Variants in ZFPM2 observed in about 807,000 individuals in gnomAD.
ZFPM2 encodes the protein zinc finger protein, FOG family member 2, also known as zinc finger protein ZFPM2.
ZFPM2 carries 20 observed loss-of-function variants against 98.6 expected under a neutral mutation model. The ratio of observed to expected loss-of-function variants is 0.20; its 90% CI spans 0.14 to 0.29. The LOEUF (loss-of-function observed/expected upper bound fraction) is 0.29. ZFPM2 is among the 10% of genes least tolerant of loss of function. The probability of loss-of-function intolerance (pLI) is 1.00; values close to 1 mark genes in which losing one functional copy is unlikely to be tolerated. For missense variants in ZFPM2, 1,310 were observed against 1,388.6 expected (o/e 0.94, Z 0.90); for synonymous variants, 518 against 502.7 (o/e 1.03, Z -0.41).
chr8:105,400,056 C>G (rs1347889468), intron 1 of ZFPM2, among the ~76,000 whole-genome samples: 5 of 152,160 alleles, frequency 3.3e-5, no homozygotes, highest in African/African-American at 1.2e-4. Context: ...GTGTGAGCCA[C>G]TGCCCCTGGC....
rs1200422281 is a variant in ZFPM2, at chr8:105,803,179, C to T, written c.3097C>T (p.Pro1033Ser). Residue 1033 changes from proline to serine, a missense_variant, in exon 8 of 8, where the codon CCA (proline) becomes TCA (serine). Physicochemically the swap from Pro to Ser is moderately conservative, Grantham distance 74. Transcript: ENST00000407775. ...GCAALKKDSLPLLPKNRGMVI... is the reference protein window; with the variant it reads ...GCAALKKDSLSLLPKNRGMVI... ...TGCTGCGCTGAAGAAAGATTCTCTG[C>T]CATTGTTGCCCAAAAATCGAGGAAT... The T allele has an allele frequency of 6.2e-7, 1 of 1,613,790 alleles. No homozygotes were observed. The highest frequency in any genetic ancestry group is 8.5e-7 in the Non-Finnish European group (1 of 1,179,798).
intron 5 of ZFPM2, among the ~76,000 whole-genome samples, chr8:105,727,488 A>G (rs1222121846): frequency 6.6e-6 from 1 of 151,822 alleles, no homozygotes; most frequent in Non-Finnish European, 1.5e-5. Context: ...TTTAAGTTAC[A>G]AAAATGAAAT....
chr8:105,440,393 T>TA (rs1217502134), intron 2 of ZFPM2, among the ~76,000 whole-genome samples: 9 of 152,134 alleles, frequency 5.9e-5, no homozygotes, highest in Non-Finnish European at 1.3e-4. Context: ...AATCAGTTAT[T>TA]AAAAAGTGAG....
At chr8:105,518,001 A>G (rs1813973520) in intron 3 of ZFPM2, among the ~76,000 whole-genome samples, 1 of 152,112 alleles carries the variant, frequency 6.6e-6, no homozygotes, top group East Asian at 1.9e-4. Flanking sequence ...TGTTTACTCT[A>G]TTACCATAGC....
intron 5 of ZFPM2, among the ~76,000 whole-genome samples, chr8:105,750,712 C>T (rs1242734934): frequency 6.6e-6 from 1 of 151,948 alleles, no homozygotes; most frequent in East Asian, 1.9e-4. Context: ...CAGTAATACT[C>T]ATAGTTTTCC....
At chr8:105,501,866 T>G (rs1330331624) in intron 3 of ZFPM2, among the ~76,000 whole-genome samples, 1 of 152,196 alleles carries the variant, frequency 6.6e-6, no homozygotes, top group Non-Finnish European at 1.5e-5. Context: ...ATCTCCTATA[T>G]CTCTTTGAAA....
chr8:105,368,215 TGG>T (rs1810546736), intron 1 of ZFPM2, among the ~76,000 whole-genome samples: 1 of 150,084 alleles, frequency 6.7e-6, no homozygotes. Context: ...TGCCCAGCTT[TGG>T]TATCAGAATG....
chr8:105,788,609 T>G (rs376697665), intron 5 of ZFPM2, 109 bp from the exon 6 acceptor site: 1 of 1,095,602 alleles, frequency 9.1e-7, no homozygotes, highest in Middle Eastern at 2.6e-4. Flanking sequence ...TCCACTCCAG[T>G]AGAAACCAGT....
At chr8:105,418,657 A>G (rs181149151) in intron 1 of ZFPM2, 36 of 512,892 alleles carry the variant, frequency 7.0e-5, no homozygotes, top group Middle Eastern at 6.5e-4. Flanking sequence ...TTTTCTCAGA[A>G]TCCACTCTTA....
chr8:105,336,294 G>T (rs1358624650), intron 1 of ZFPM2, among the ~76,000 whole-genome samples: 1 of 151,682 alleles, frequency 6.6e-6, no homozygotes, highest in Admixed American at 6.6e-5. Context: ...AGGATTCAAC[G>T]AGTTTACACA....
At chr8:105,446,048 G>A (rs374359824) in intron 3 of ZFPM2, among the ~76,000 whole-genome samples, 1 of 151,890 alleles carries the variant, frequency 6.6e-6, no homozygotes. Flanking sequence ...AGCCTCCCAA[G>A]TAGCTGGGAC....
At chr8:105,700,705 C>T (rs774957954) in intron 5 of ZFPM2, among the ~76,000 whole-genome samples, 3 of 152,140 alleles carry the variant, frequency 2.0e-5, no homozygotes, top group Non-Finnish European at 2.9e-5. Flanking sequence ...ATGTGATTCT[C>T]CTGCCTCAGG....
At chr8:105,388,430 C>G (rs1019653145) in intron 1 of ZFPM2, among the ~76,000 whole-genome samples, 1 of 152,070 alleles carries the variant, frequency 6.6e-6, no homozygotes, top group Admixed American at 6.5e-5. Flanking sequence ...CAGTATAAGT[C>G]GTGAAAGATG....
intron 3 of ZFPM2, among the ~76,000 whole-genome samples, chr8:105,530,122 T>C (rs1814264431): frequency 1.3e-5 from 2 of 152,250 alleles, no homozygotes; most frequent in South Asian, 4.2e-4. Flanking sequence ...TGCTAACAAA[T>C]GTACTATAAT....
At chr8:105,570,496 T>C (rs1373468712) in intron 4 of ZFPM2, among the ~76,000 whole-genome samples, 1 of 152,156 alleles carries the variant, frequency 6.6e-6, no homozygotes, top group South Asian at 2.1e-4. Context: ...TGCATATTAA[T>C]CTGAAGGGAT....
At chr8:105,745,962 G>A (rs574743761) in intron 5 of ZFPM2, among the ~76,000 whole-genome samples, 12 of 152,116 alleles carry the variant, frequency 7.9e-5, no homozygotes, top group East Asian at 3.9e-4. Flanking sequence ...TAGAGACAGT[G>A]TTGTTCACCA....
chr8:105,571,683 A>G (rs573733288), intron 4 of ZFPM2, among the ~76,000 whole-genome samples: 1 of 152,360 alleles, frequency 6.6e-6, no homozygotes, highest in East Asian at 1.9e-4. Context: ...TGACATGACA[A>G]TTAATACATT....
chr8:105,751,901 A>G (rs1249494936), intron 5 of ZFPM2, among the ~76,000 whole-genome samples: 3 of 152,076 alleles, frequency 2.0e-5, no homozygotes, highest in African/African-American at 4.8e-5. Context: ...ATCAGTGCTC[A>G]TAGGTTTCAG....
intron 3 of ZFPM2, among the ~76,000 whole-genome samples, chr8:105,556,555 T>G (rs968827468): frequency 9.2e-5 from 14 of 152,150 alleles, no homozygotes; most frequent in Non-Finnish European, 2.1e-4. Context: ...TACTCTTCTC[T>G]CATTCAATTG....
Sources: gnomAD v4.1 joint callset for allele counts (sites outside exome capture counted in the v4.1 genomes callset) on GRCh38, gnomAD v4.1.1 for gene constraint, MANE v1.5 for transcripts, NCBI Gene and HGNC (gene_info 2026-07-23, HGNC 2026-07-21) for gene names.